Variants in PODXL2 observed in about 807,000 individuals in gnomAD.
PODXL2 encodes podocalyxin-like protein 2.
PODXL2 carries 17 observed loss-of-function variants against 53.4 expected under a neutral mutation model. The observed-to-expected ratio is 0.32, with a 90% CI of 0.22 to 0.48. The LOEUF is 0.48. PODXL2 is among the 20% of genes least tolerant of loss of function. The pLI is 0.99. For missense variants in PODXL2, 673 were observed against 760.0 expected, an observed-to-expected ratio of 0.89 and a Z score of 1.35; for synonymous variants, 311 against 306.7, an observed-to-expected ratio of 1.01 and a Z score of -0.15.
intron 2 of PODXL2, among the ~76,000 whole-genome samples, chr3:127,656,466 G>T (rs1005930422): frequency 6.6e-6 from 1 of 152,070 alleles, no homozygotes; most frequent in African/African-American, 2.4e-5. Context: ...GTTGGGCGCG[G>T]TGGTTCACGC....
At chr3:127,647,535 G>A (rs181193523) in intron 2 of PODXL2, among the ~76,000 whole-genome samples, 6 of 152,326 alleles carry the variant, frequency 3.9e-5, no homozygotes, top group Non-Finnish European at 5.9e-5. Flanking sequence ...ACAGGCTCAC[G>A]GGCCTGTCTG....
intron 2 of PODXL2, among the ~76,000 whole-genome samples, chr3:127,659,092 A>T (rs1404556934): frequency 6.6e-6 from 1 of 151,990 alleles, no homozygotes; most frequent in East Asian, 1.9e-4. Context: ...TTTAAAGATT[A>T]CTTGATTTTC....
In PODXL2 at chr3:127,671,573, A is replaced by G; in HGVS notation, c.1565A>G (p.Tyr522Cys). 6.2e-7 allele frequency: 1 copy of G among 1,614,080 alleles called. No homozygotes were observed. Among genetic ancestry groups the G allele is most frequent in the South Asian group, 1.1e-5 (1 of 91,088 alleles). ...CIIIIALGLL[Y>C]NCWQRRLPKL... ...ATCATCATTGCGCTTGGCCTGCTCTACAACTGCTGGCAGCGCCGGCTGCCC... is the reference window on the plus strand; with the variant it reads ...ATCATCATTGCGCTTGGCCTGCTCTGCAACTGCTGGCAGCGCCGGCTGCCC... The change falls in exon 7 of 8, where the codon TAC becomes TGC. Residue 522 changes from tyrosine to cysteine, a missense_variant. Coordinates refer to ENST00000342480, the MANE Select transcript of PODXL2 (RefSeq NM_015720.4).
In PODXL2 at chr3:127,671,543, G is replaced by C. The variant is rs776481843; in HGVS notation, c.1535G>C (p.Cys512Ser). Residue 512 changes from cysteine to serine, a missense_variant, in exon 7 of 8, where the codon TGC becomes TCC. Cys to Ser is a moderately radical substitution (Grantham distance 112). Transcript: ENST00000342480. Reference sequence around the variant, plus strand: ...GTGCTGGTGGTCATTGGGGCCATCTGCATCATCATCATTGCGCTTGGCCTG... The same window carrying C: ...GTGCTGGTGGTCATTGGGGCCATCTCCATCATCATCATTGCGCTTGGCCTG... ...FVVLVVIGAI[C>S]IIIIALGLLY... 2 of 1,614,164 alleles carry C rather than the reference G, an allele frequency of 1.2e-6. No homozygotes were observed. The highest frequency in any genetic ancestry group is 8.5e-7 in the Non-Finnish European group (1 of 1,180,008).
intron 4 of PODXL2, among the ~76,000 whole-genome samples, chr3:127,668,105 T>C (rs1576435891): frequency 4.4e-5 from 1 of 22,574 alleles, no homozygotes; most frequent in East Asian, 5.5e-4. Context: ...TGGCTGCGTG[T>C]GTGTGTGTGT....
At chr3:127,665,408 G>A (rs78430170) in intron 4 of PODXL2, among the ~76,000 whole-genome samples, 4,720 of 152,300 alleles carry the variant, frequency 0.031, 105 homozygotes, top group Non-Finnish European at 0.048. Flanking sequence ...AGTTCCAGGA[G>A]TTCAGCCCTC....
At chr3:127,638,366 A>G (rs2074591450) in intron 1 of PODXL2, among the ~76,000 whole-genome samples, 1 of 152,252 alleles carries the variant, frequency 6.6e-6, no homozygotes, top group Non-Finnish European at 1.5e-5. Context: ...CAAATATGTC[A>G]AATTACCAGC....
In PODXL2 at chr3:127,661,004, C is replaced by G. The variant is rs527636105; in HGVS notation, c.976C>G (p.Leu326Val). The G allele has an allele frequency of 6.2e-7, 1 of 1,614,262 alleles. No homozygotes were observed. The highest frequency in any genetic ancestry group is 1.3e-5 in the African/African-American group (1 of 75,074). The part of the protein sequence containing the change: ...SGAEHPDEDP[L>V]GSRTSASSPL... ...GGCCGAGCACCCAGATGAAGATCCC[C>G]TTGGCTCTAGAACCTCAGCCTCTTC... Residue 326 changes from leucine to valine, a missense_variant, in exon 3 of 8, where the codon CTT (leucine) becomes GTT (valine). Leu to Val is a conservative substitution (Grantham distance 32). This residue lies in a region of PODXL2 where 588 missense variants were observed against 668.3 expected (regional missense o/e 0.88). Coordinates refer to ENST00000342480, the MANE Select transcript of PODXL2 (RefSeq NM_015720.4).
Position 127,660,931 on chromosome 3 carries a change from G to C in PODXL2, c.903G>C (p.Glu301Asp), listed in dbSNP as rs760544888. The C allele has an allele frequency of 3.1e-6, 5 of 1,614,240 alleles. No homozygotes were observed. In the Admixed American group the frequency reaches 8.3e-5, roughly 27 times the overall value. The change falls in exon 3 of 8, where the codon GAG becomes GAC. Residue 301 changes from glutamate (E) to aspartate (D), a missense_variant. By Grantham distance (45) the Glu-to-Asp change is conservative (BLOSUM62 2). Around this residue, in one of 3 missense-constraint regions of PODXL2, gnomAD observed 588 missense variants for 668.3 expected, o/e 0.88. Coordinates refer to ENST00000342480, the MANE Select transcript of PODXL2 (RefSeq NM_015720.4). ...AGAAGLSGQH[E>D]EVPALPSFPQ... Reference sequence around the variant, plus strand: ...CAGCTGGTTTGTCTGGCCAGCACGAGGAGGTGCCGGCCTTGCCTTCATTCC... The same window carrying C: ...CAGCTGGTTTGTCTGGCCAGCACGACGAGGTGCCGGCCTTGCCTTCATTCC...
intron 2 of PODXL2, among the ~76,000 whole-genome samples, chr3:127,644,946 A>ACGTTT (rs2074643890): frequency 6.6e-6 from 1 of 152,198 alleles, no homozygotes; most frequent in African/African-American, 2.4e-5. Flanking sequence ...CCCTCGCCTT[A>ACGTTT]CGTTTCCTCA....
chr3:127,639,760 C>T (rs928485112), intron 2 of PODXL2, among the ~76,000 whole-genome samples: 3 of 152,218 alleles, frequency 2.0e-5, no homozygotes, highest in African/African-American at 7.2e-5. Flanking sequence ...ATTCTGTGCT[C>T]ATTTAATTCA....
chr3:127,630,541 G>C (rs2107701435), intron 1 of PODXL2, among the ~76,000 whole-genome samples: 1 of 152,300 alleles, frequency 6.6e-6, no homozygotes, highest in East Asian at 1.9e-4. Flanking sequence ...ACTAGTGAAG[G>C]GTCTCTATGG....
At chr3:127,640,715 A>C (rs1331506510) in intron 2 of PODXL2, among the ~76,000 whole-genome samples, 1 of 152,152 alleles carries the variant, frequency 6.6e-6, no homozygotes, top group Non-Finnish European at 1.5e-5. Context: ...AAAAAATAAA[A>C]TAAAATAAAA....
chr3:127,645,424 G>A (rs895236468), intron 2 of PODXL2, among the ~76,000 whole-genome samples: 29 of 152,176 alleles, frequency 1.9e-4, no homozygotes, highest in Non-Finnish European at 5.9e-5. Flanking sequence ...TGAGTACCTA[G>A]CTCAAGAGGA....
intron 2 of PODXL2, among the ~76,000 whole-genome samples, chr3:127,643,696 C>T (rs899904501): frequency 4.0e-5 from 6 of 151,170 alleles, no homozygotes; most frequent in African/African-American, 7.3e-5. Context: ...TGGAGTGCAG[C>T]AGCACAATCT....
intron 2 of PODXL2, among the ~76,000 whole-genome samples, chr3:127,657,767 A>G (rs1348524065): frequency 6.6e-6 from 1 of 152,232 alleles, no homozygotes; most frequent in African/African-American, 2.4e-5. Context: ...TCAAGTAATC[A>G]TCCAGCCCAT....
chr3:127,654,958 T>C (rs1466462565), intron 2 of PODXL2, among the ~76,000 whole-genome samples: 4 of 152,102 alleles, frequency 2.6e-5, no homozygotes, highest in African/African-American at 9.7e-5. Context: ...TTCTTTTTTT[T>C]GTGAGACAGA....
chr3:127,661,457 A>T (rs1303579806), intron 3 of PODXL2, among the ~76,000 whole-genome samples: 1 of 147,960 alleles, frequency 6.8e-6, no homozygotes. Flanking sequence ...TTTTCCCGAG[A>T]TGGAGTCTCA....
chr3:127,648,262 G>T (rs890256688), intron 2 of PODXL2, among the ~76,000 whole-genome samples: 1 of 152,222 alleles, frequency 6.6e-6, no homozygotes, highest in East Asian at 1.9e-4. Context: ...ATCAATTTTG[G>T]AGAAAGCAGA....
Sources: gnomAD v4.1 joint callset for allele counts (sites outside exome capture counted in the v4.1 genomes callset) on GRCh38, gnomAD v4.1.1 for gene constraint, gnomAD v4.1.1 regional missense constraint, MANE v1.5 for transcripts, NCBI Gene and HGNC (gene_info 2026-07-23, HGNC 2026-07-21) for gene names.